The following TRDN variants were observed in gnomAD, a reference collection of about 807,000 sequenced individuals.
The protein encoded by TRDN is triadin in skeletal muscle.
In TRDN, 161 loss-of-function variants were observed where a neutral mutation model predicts 149.7. That is an observed-to-expected ratio of 1.08 (90% confidence interval 0.95 to 1.23). TRDN has a LOEUF of 1.23. Among genes scored for constraint, TRDN ranks in the 50% most tolerant of loss-of-function variants. The pLI, the probability that TRDN is intolerant of heterozygous loss-of-function variation, is 0.00. For missense variants in TRDN, 896 were observed against 823.5 expected, an observed-to-expected ratio of 1.09 and a Z score of -1.08; for synonymous variants, 294 against 250.5, an observed-to-expected ratio of 1.17 and a Z score of -1.64.
At position 123,513,438 on chromosome 6, in the gene TRDN, C is replaced by CT. The variant is rs200887822; in HGVS notation, c.551-1077dup. On this transcript the variant is annotated intron_variant, in intron 6 of 40. Transcript: ENST00000334268. ...ATAATTTAAGGGCAAAAATTCCTAACTTTTTTTTTAACAGAAAACATTTAG... is the reference window on the plus strand; with the variant it reads ...ATAATTTAAGGGCAAAAATTCCTAACTTTTTTTTTTAACAGAAAACATTTAG... Among the ~76,000 whole-genome samples, 495 of 151,350 alleles carry CT rather than the reference C, an allele frequency of 3.3e-3. 3 individuals are homozygous for CT. Among genetic ancestry groups the CT allele is most frequent in the African/African-American group, 9.7e-3 (402 of 41,310 alleles).
At chr6:123,381,468 G>T in intron 15 of TRDN, 78 bp from the exon 16 acceptor site, 1 of 1,372,572 alleles carries the variant, frequency 7.3e-7, no homozygotes, top group Non-Finnish European at 1.0e-6. Context: ...TGATTAGACT[G>T]TAATTTTTCC....
chr6:123,301,287 A>T (rs1016048302), intron 24 of TRDN, among the ~76,000 whole-genome samples: 5 of 152,000 alleles, frequency 3.3e-5, no homozygotes, highest in South Asian at 2.1e-4. Context: ...AGGAATATAC[A>T]CTGCTTTAAA....
chr6:123,376,586 T>G (rs570733348), intron 18 of TRDN, among the ~76,000 whole-genome samples: 1 of 152,274 alleles, frequency 6.6e-6, no homozygotes, highest in Non-Finnish European at 1.5e-5. Context: ...AGGGAAAAGA[T>G]AATACGATTT....
At chr6:123,386,571 A>T (rs1207494908) in intron 14 of TRDN, among the ~76,000 whole-genome samples, 1 of 152,192 alleles carries the variant, frequency 6.6e-6, no homozygotes, top group Non-Finnish European at 1.5e-5. Flanking sequence ...CCCAGAACAC[A>T]GAAAGACGGG....
At chr6:123,244,967 A>C (rs1045679652) in intron 38 of TRDN, among the ~76,000 whole-genome samples, 2 of 152,220 alleles carry the variant, frequency 1.3e-5, no homozygotes, top group Non-Finnish European at 2.9e-5. Context: ...AACAATTTTC[A>C]ACCCAGAATT....
chr6:123,391,558 A>G (rs1272766288), intron 13 of TRDN, among the ~76,000 whole-genome samples: 1 of 152,034 alleles, frequency 6.6e-6, no homozygotes, highest in Non-Finnish European at 1.5e-5. Context: ...AATTTCCTGT[A>G]GTAGTGAGAT....
chr6:123,216,350 ATAAC>A lies in TRDN; in HGVS notation c.*2247_*2250del, dbSNP rs1774972311. 6.6e-6 allele frequency: 1 copy of A among 151,982 alleles called. No homozygotes were observed. The highest frequency in any genetic ancestry group is 6.6e-5 in the Admixed American group (1 of 15,216). 9.4% of individuals were successfully genotyped at this position (151,982 alleles called of 1,614,324 possible). A position where few individuals can be genotyped will look rare whatever the true frequency, so the allele number is the denominator to read the frequency against. ...GTAAGGCATCAAACTTGGAAGATCT[ATAAC>A]TATTTTATTAGACGGTAATATATAA... On this transcript the variant is annotated 3_prime_UTR_variant, in exon 41 of 41. Transcript: ENST00000334268.
intron 24 of TRDN, among the ~76,000 whole-genome samples, chr6:123,279,434 G>A (rs1777501579): frequency 6.6e-6 from 1 of 152,038 alleles, no homozygotes; most frequent in South Asian, 2.1e-4. Flanking sequence ...GCCAGTCTGT[G>A]GGCCATTTTG....
chr6:123,478,609 A>G (rs1292903732), intron 9 of TRDN, among the ~76,000 whole-genome samples: 2 of 152,216 alleles, frequency 1.3e-5, no homozygotes, highest in Non-Finnish European at 2.9e-5. Context: ...CAAAGCTGAT[A>G]GGGAAAGAGA....
chr6:123,346,652 T>C (rs1780256732), intron 21 of TRDN, among the ~76,000 whole-genome samples: 1 of 151,990 alleles, frequency 6.6e-6, no homozygotes, highest in African/African-American at 2.4e-5. Flanking sequence ...CTAGAATCCT[T>C]TCTCTTGAAA....
intron 1 of TRDN, among the ~76,000 whole-genome samples, chr6:123,629,438 A>T (rs1402618599): frequency 6.6e-6 from 1 of 152,168 alleles, no homozygotes; most frequent in Non-Finnish European, 1.5e-5. Context: ...CGTAGCAAAG[A>T]TAAAACTGGT....
At chr6:123,366,096 C>T in intron 20 of TRDN, 39 bp downstream of exon 20, 1 of 1,550,500 alleles carries the variant, frequency 6.4e-7, no homozygotes, top group Non-Finnish European at 8.9e-7. Context: ...GCAGAAATAA[C>T]TTATAGTTAT....
chr6:123,611,579 G>A (rs1449564654), intron 1 of TRDN, among the ~76,000 whole-genome samples: 1 of 152,106 alleles, frequency 6.6e-6, no homozygotes, highest in Non-Finnish European at 1.5e-5. Flanking sequence ...ATAAGACAGT[G>A]CTGGTACTTT....
chr6:123,281,938 GTA>G (rs1052132506), intron 24 of TRDN, among the ~76,000 whole-genome samples: 1 of 151,998 alleles, frequency 6.6e-6, no homozygotes, highest in Non-Finnish European at 1.5e-5. Context: ...CAGACGCCCA[GTA>G]CCTTATGAAT....
At chr6:123,351,086 T>C in intron 21 of TRDN, 1 of 985,080 alleles carries the variant, frequency 1.0e-6, no homozygotes, top group Non-Finnish European at 1.2e-6. Flanking sequence ...ACTGTGGCTA[T>C]GAAAACAACC....
chr6:123,327,430 A>T (rs541548058), intron 23 of TRDN, among the ~76,000 whole-genome samples: 16 of 152,214 alleles, frequency 1.1e-4, no homozygotes, highest in African/African-American at 3.9e-4. Flanking sequence ...GAATCTATAC[A>T]TTACTTTAAA....
At chr6:123,574,660 A>G (rs928866556) in intron 1 of TRDN, among the ~76,000 whole-genome samples, 5 of 151,754 alleles carry the variant, frequency 3.3e-5, no homozygotes, top group Admixed American at 6.6e-5. Context: ...AGAGAACACA[A>G]GAATTTGCTT....
intron 33 of TRDN, among the ~76,000 whole-genome samples, chr6:123,262,124 A>C (rs184429032): frequency 6.6e-6 from 1 of 152,118 alleles, no homozygotes; most frequent in African/African-American, 2.4e-5. Flanking sequence ...CTATTGTTTA[A>C]GATGTCCAGG....
intron 2 of TRDN, among the ~76,000 whole-genome samples, chr6:123,564,597 C>T (rs1782186631): frequency 6.6e-6 from 1 of 152,170 alleles, no homozygotes; most frequent in Admixed American, 6.5e-5. Flanking sequence ...AAATGGCACA[C>T]CTCATTAGAA....
Sources: gnomAD v4.1 joint callset for allele counts (sites outside exome capture counted in the v4.1 genomes callset) on GRCh38, gnomAD v4.1.1 for gene constraint, MANE v1.5 for transcripts, NCBI Gene and HGNC (gene_info 2026-07-23, HGNC 2026-07-21) for gene names.